Variants in PTPRD observed in about 807,000 individuals in gnomAD.
PTPRD encodes receptor-type tyrosine-protein phosphatase delta.
A neutral mutation model predicts 214.5 loss-of-function variants in PTPRD; 34 were observed. The observed-to-expected ratio is 0.16, with a 90% confidence interval of 0.12 to 0.21. The LOEUF (loss-of-function observed/expected upper bound fraction) is 0.21, where lower values mean the gene tolerates loss of function less well. Among genes scored for constraint, PTPRD ranks in the 10% least tolerant of loss-of-function variants. PTPRD has a pLI of 1.00. For synonymous variants in PTPRD, 1,128 were observed against 845.7 expected (o/e 1.33, Z -5.79); for missense variants, 2,545 against 2,398.7 (o/e 1.06, Z -1.27).
At chr9:9,359,930 T>G (rs2055365551) in intron 9 of PTPRD, among the ~76,000 whole-genome samples, 1 of 151,282 alleles carries the variant, frequency 6.6e-6, no homozygotes, top group South Asian at 2.1e-4. Flanking sequence ...AGAATTCCAT[T>G]TCAACACAAC....
In PTPRD at chr9:10,413,961, T is replaced by C. The variant is rs2098462355; in HGVS notation, c.-599-72944A>G. Among the ~76,000 whole-genome samples the C allele has an allele frequency of 2.6e-5, 4 of 152,004 alleles. No individual in the cohort carries two copies. The South Asian group carries it at 8.3e-4, about 32-fold the overall frequency. On this transcript the variant is annotated intron_variant, in intron 2 of 45. Transcript: ENST00000381196. Reference sequence around the variant, plus strand: ...ACCATATAGAAAGATCAACTTAAGATGAATAAAGTCTTAAATGTAAAATCC... The same window carrying C: ...ACCATATAGAAAGATCAACTTAAGACGAATAAAGTCTTAAATGTAAAATCC...
At chr9:10,202,136 T>C (rs1219099031) in intron 3 of PTPRD, among the ~76,000 whole-genome samples, 2 of 152,148 alleles carry the variant, frequency 1.3e-5, no homozygotes, top group Non-Finnish European at 2.9e-5. Context: ...CTCAAATTTC[T>C]ACAGTGCTTT....
intron 8 of PTPRD, among the ~76,000 whole-genome samples, chr9:9,495,592 G>C (rs753870209): frequency 6.6e-6 from 1 of 152,038 alleles, no homozygotes; most frequent in African/African-American, 2.4e-5. Context: ...TAGACCTCGG[G>C]GAAGAGACGA....
At chr9:10,243,702 T>A (rs2091559791) in intron 3 of PTPRD, among the ~76,000 whole-genome samples, 1 of 151,990 alleles carries the variant, frequency 6.6e-6, no homozygotes, top group Admixed American at 6.6e-5. Flanking sequence ...ACACCTGGTA[T>A]ATAATCCTAC....
intron 4 of PTPRD, among the ~76,000 whole-genome samples, chr9:9,954,308 A>AAAAAAAAC (rs1805292135): frequency 5.0e-5 from 7 of 140,128 alleles, no homozygotes; most frequent in Non-Finnish European, 9.5e-5. Flanking sequence ...AAAAAAAAAA[A>AAAAAAAAC]AAAAAAAAAA....
At chr9:9,416,680 T>C (rs981839867) in intron 8 of PTPRD, among the ~76,000 whole-genome samples, 4 of 152,168 alleles carry the variant, frequency 2.6e-5, no homozygotes, top group Non-Finnish European at 4.4e-5. Flanking sequence ...CTCCTAAGAA[T>C]ATCTGTCTTC....
chr9:10,232,699 T>C (rs2099615708), intron 3 of PTPRD, among the ~76,000 whole-genome samples: 1 of 152,048 alleles, frequency 6.6e-6, no homozygotes. Context: ...TATCATAATC[T>C]GTATCCCATT....
chr9:9,433,931 C>G (rs1022189286), intron 8 of PTPRD, among the ~76,000 whole-genome samples: 7 of 152,088 alleles, frequency 4.6e-5, no homozygotes, highest in African/African-American at 1.4e-4. Context: ...TTCTAATAAG[C>G]TCAAAAACGC....
At chr9:8,774,115 A>G (rs749523856) in intron 11 of PTPRD, among the ~76,000 whole-genome samples, 11 of 152,194 alleles carry the variant, frequency 7.2e-5, no homozygotes, top group Non-Finnish European at 1.0e-4. Context: ...CAAGCTCCTC[A>G]GATATGTTTC....
At chr9:8,870,496 T>C (rs977103026) in intron 11 of PTPRD, among the ~76,000 whole-genome samples, 1 of 152,166 alleles carries the variant, frequency 6.6e-6, no homozygotes, top group Non-Finnish European at 1.5e-5. Context: ...CCCATCTTGC[T>C]GTTTCTCAAA....
intron 10 of PTPRD, among the ~76,000 whole-genome samples, chr9:9,136,199 G>GA (rs1307448102): frequency 2.0e-5 from 3 of 151,984 alleles, no homozygotes; most frequent in Non-Finnish European, 2.9e-5. Context: ...ACATTAAGGA[G>GA]AAAAAAATGG....
At chr9:10,085,442 A>G (rs1025749391) in intron 3 of PTPRD, among the ~76,000 whole-genome samples, 3 of 151,880 alleles carry the variant, frequency 2.0e-5, no homozygotes, top group South Asian at 2.1e-4. Context: ...AACCTGTGAC[A>G]GAAAGATTGA....
Position 9,464,819 on chromosome 9 carries a change from C to G in PTPRD, c.-236-67337G>C, listed in dbSNP as rs142321188. ...CTCCAGTGTTTTGTGTCCTTTCTTA[C>G]CCAGGTCTTAAAGGTACAGCAAAAA... On this transcript the variant is annotated intron_variant, in intron 8 of 45. Coordinates refer to ENST00000381196, the MANE Select transcript of PTPRD (RefSeq NM_002839.4). 3.1e-3 allele frequency among the ~76,000 whole-genome samples: 475 copies of G among 152,178 alleles called. 2 individuals are homozygous for G. Among genetic ancestry groups the G allele is most frequent in the Non-Finnish European group, 4.9e-3 (331 of 68,010 alleles).
At chr9:10,202,667 T>A (rs1381350085) in intron 3 of PTPRD, among the ~76,000 whole-genome samples, 1 of 113,066 alleles carries the variant, frequency 8.8e-6, no homozygotes, top group Non-Finnish European at 1.7e-5. Context: ...ATAAAAATTA[T>A]ATGGATATAT....
intron 9 of PTPRD, among the ~76,000 whole-genome samples, chr9:9,372,933 C>G (rs901066891): frequency 6.6e-6 from 1 of 152,060 alleles, no homozygotes; most frequent in African/African-American, 2.4e-5. Flanking sequence ...AATGCACACT[C>G]TCCATTTTGA....
chr9:10,073,570 TA>T (rs971322435), intron 3 of PTPRD, among the ~76,000 whole-genome samples: 1 of 152,202 alleles, frequency 6.6e-6, no homozygotes, highest in African/African-American at 2.4e-5. Context: ...TTTGATTTGC[TA>T]AAAATCCCAA....
chr9:9,256,006 C>A (rs759899016), intron 9 of PTPRD, among the ~76,000 whole-genome samples: 42 of 152,002 alleles, frequency 2.8e-4, no homozygotes, highest in Non-Finnish European at 3.1e-4. Flanking sequence ...GGGCAAACAC[C>A]TTTTCCCCAG....
intron 5 of PTPRD, among the ~76,000 whole-genome samples, chr9:9,809,451 T>A (rs1410516258): frequency 6.6e-6 from 1 of 152,122 alleles, no homozygotes; most frequent in South Asian, 2.1e-4. Context: ...GTATTTTTAG[T>A]AGAGACGGGG....
intron 30 of PTPRD, among the ~76,000 whole-genome samples, chr9:8,475,941 T>G (rs919603884): frequency 1.3e-5 from 2 of 152,170 alleles, no homozygotes; most frequent in African/African-American, 4.8e-5. Flanking sequence ...AATACAAAAT[T>G]TGTTCTGCCA....
Sources: allele counts gnomAD v4.1 joint callset (sites outside exome capture counted in the v4.1 genomes callset), GRCh38; gene constraint gnomAD v4.1.1; transcripts MANE v1.5; gene names NCBI Gene and HGNC (gene_info 2026-07-23, HGNC 2026-07-21).